Variants in NCOA2 observed in about 807,000 individuals in gnomAD.
NCOA2 encodes nuclear receptor coactivator 2, also known as class E basic helix-loop-helix protein 75.
Under a neutral mutation model 145.1 loss-of-function variants are expected in NCOA2, and 21 were observed. The ratio of observed to expected loss-of-function variants is 0.14; its 90% CI spans 0.10 to 0.21. The LOEUF (loss-of-function observed/expected upper bound fraction) is 0.21, where lower values mean the gene tolerates loss of function less well. Ranked by LOEUF, NCOA2 falls within the 10% of genes least tolerant of loss-of-function variation. The probability of loss-of-function intolerance (pLI) is 1.00; values close to 1 mark genes in which losing one functional copy is unlikely to be tolerated. For synonymous variants in NCOA2, 619 were observed against 637.5 expected, an observed-to-expected ratio of 0.97 and a Z score of 0.44; for missense variants, 1,472 against 1,837.6, an observed-to-expected ratio of 0.80 and a Z score of 3.64.
intron 2 of NCOA2, among the ~76,000 whole-genome samples, chr8:70,257,854 A>G (rs928319811): frequency 6.6e-6 from 1 of 151,172 alleles, no homozygotes; most frequent in Non-Finnish European, 1.5e-5. Context: ...TCTCCCTGTC[A>G]CTGAGCCCCA....
chr8:70,154,696 C>A (rs1484725926), intron 11 of NCOA2, among the ~76,000 whole-genome samples: 2 of 152,200 alleles, frequency 1.3e-5, no homozygotes, highest in Non-Finnish European at 2.9e-5. Context: ...AGCCACCTCA[C>A]CCAGTCTGTT....
At chr8:70,121,636 C>T (rs1021478044) in intron 21 of NCOA2, among the ~76,000 whole-genome samples, 1 of 152,172 alleles carries the variant, frequency 6.6e-6, no homozygotes, top group Admixed American at 6.5e-5. Flanking sequence ...GCATGCTGTA[C>T]AGAAATCAAA....
Position 70,262,949 on chromosome 8 carries a change from C to A in NCOA2, c.-20+33795G>T, listed in dbSNP as rs188461086. ...AGTTAATAATAAAATAGAATTATAA[C>A]AATATACTGTTTACAATTTCAGATA... On this transcript the variant is annotated intron_variant, in intron 2 of 22. Transcript: ENST00000452400. Among the ~76,000 whole-genome samples, 992 of 151,820 alleles carry A rather than the reference C, an allele frequency of 6.5e-3. 5 individuals carry two copies. Among genetic ancestry groups the A allele is most frequent in the Non-Finnish European group, 0.01 (698 of 67,930 alleles).
chr8:70,409,622 C>T, the NCOA2 span, among the ~76,000 whole-genome samples: 1 of 152,204 alleles, frequency 6.6e-6, no homozygotes, highest in East Asian at 1.9e-4. Flanking sequence ...GTATTCCAAG[C>T]ACTTTGGGAG....
intron 1 of NCOA2, among the ~76,000 whole-genome samples, chr8:70,342,806 CACACACACACACACAT>C (rs1808261845): frequency 2.0e-5 from 3 of 150,110 alleles, no homozygotes; most frequent in African/African-American, 7.4e-5. Context: ...CACACACACA[CACACACACACACACAT>C]CCCTACATGG....
chr8:70,311,153 A>T (rs1333922270), intron 1 of NCOA2, among the ~76,000 whole-genome samples: 1 of 151,832 alleles, frequency 6.6e-6, no homozygotes, highest in Non-Finnish European at 1.5e-5. Flanking sequence ...AAAAATAAGC[A>T]ATCCTATTTT....
chr8:70,337,376 C>A (rs750718875), intron 1 of NCOA2, among the ~76,000 whole-genome samples: 1 of 152,046 alleles, frequency 6.6e-6, no homozygotes, highest in South Asian at 2.1e-4. Context: ...AGAATTTGGA[C>A]GCAACTTTCC....
intron 1 of NCOA2, among the ~76,000 whole-genome samples, chr8:70,322,125 A>G (rs529947936): frequency 8.7e-5 from 13 of 150,224 alleles, no homozygotes; most frequent in East Asian, 1.9e-4. Flanking sequence ...CCAGAGGGGG[A>G]AAAAAAAACC....
At chr8:70,239,939 G>A (rs1396613326) in intron 2 of NCOA2, among the ~76,000 whole-genome samples, 2 of 152,154 alleles carry the variant, frequency 1.3e-5, no homozygotes, top group Non-Finnish European at 2.9e-5. Context: ...GACCACCTTT[G>A]CTACTACAGT....
chr8:70,238,953 G>C (rs139311769), intron 2 of NCOA2, among the ~76,000 whole-genome samples: 3 of 152,220 alleles, frequency 2.0e-5, no homozygotes, highest in African/African-American at 7.2e-5. Context: ...CACTATTCTA[G>C]AGAAACAATA....
intron 1 of NCOA2, 56 bp downstream of exon 1, chr8:70,403,637 GCGCCCCC>G (rs1457672351): frequency 2.9e-6 from 1 of 348,372 alleles, no homozygotes; most frequent in East Asian, 4.2e-5. Context: ...TGGGGACGCG[GCGCCCCC>G]CGCCTGCCGC....
chr8:70,341,550 A>G (rs1041996248), intron 1 of NCOA2, among the ~76,000 whole-genome samples: 1 of 152,244 alleles, frequency 6.6e-6, no homozygotes, highest in Admixed American at 6.5e-5. Flanking sequence ...GTCCATAACT[A>G]AAGTTGGTAA....
chr8:70,403,851 C>T (rs1481762783), upstream of NCOA2: 5 of 374,408 alleles, frequency 1.3e-5, no homozygotes, highest in African/African-American at 4.5e-5. Context: ...CCAACTCCCT[C>T]CTCCTCCTCC....
rs576101246 is a variant in NCOA2, at chr8:70,305,833, T to C, written c.-76-9033A>G. Among the ~76,000 whole-genome samples the C allele has an allele frequency of 8.3e-4, 127 of 152,302 alleles. 1 individual carries two copies. The highest frequency in any genetic ancestry group is 3.0e-3 in the African/African-American group (123 of 41,544). ...AGAAAGAATGTAGTATTCCAAAAGC[T>C]AGCACCAGACTAAGAGAAAAGCTTT... On this transcript the variant is annotated intron_variant, in intron 1 of 22. Coordinates refer to ENST00000452400, the MANE Select transcript of NCOA2 (RefSeq NM_006540.4).
At chr8:70,401,532 C>T (rs1255240638) in intron 1 of NCOA2, among the ~76,000 whole-genome samples, 2 of 151,928 alleles carry the variant, frequency 1.3e-5, no homozygotes, top group Non-Finnish European at 2.9e-5. Flanking sequence ...AAAAAAAATG[C>T]ATACCATAAA....
At chr8:70,260,009 ACTC>A (rs1337566285) in intron 2 of NCOA2, among the ~76,000 whole-genome samples, 7 of 152,158 alleles carry the variant, frequency 4.6e-5, no homozygotes, top group Non-Finnish European at 8.8e-5. Context: ...CAACAAGACA[ACTC>A]CTCTAACTCA....
At chr8:70,421,084 A>G in the NCOA2 span, among the ~76,000 whole-genome samples, 1 of 152,156 alleles carries the variant, frequency 6.6e-6, no homozygotes, top group East Asian at 1.9e-4. Flanking sequence ...AACAAATGCT[A>G]ATAAAAGGGC....
intron 1 of NCOA2, among the ~76,000 whole-genome samples, chr8:70,339,200 C>T (rs979428778): frequency 7.9e-5 from 12 of 152,160 alleles, no homozygotes; most frequent in East Asian, 3.9e-4. Flanking sequence ...AGTCTCAGCC[C>T]GAAAGCTTCC....
At position 70,141,219 on chromosome 8, in the gene NCOA2, T is replaced by C; in HGVS notation, c.2993A>G (p.Gln998Arg). The stretch of plus-strand genomic sequence containing the variant: ...GACCTGAGACTGAAGCGTCTGTCTT[T>C]GGCCAGGCTGGCTGCTGGGCCTCAT... ...IPMRPSSQPG[Q>R]RQTLQSQVMN... Residue 998 changes from glutamine to arginine, a missense_variant, in exon 14 of 23, where the codon CAA becomes CGA. By Grantham distance (43) the Gln-to-Arg change is conservative (BLOSUM62 1). Transcript: ENST00000452400. 1 of 1,613,928 alleles carries C rather than the reference T, an allele frequency of 6.2e-7. No homozygotes were observed. The highest frequency in any genetic ancestry group is 8.5e-7 in the Non-Finnish European group (1 of 1,179,864).
Sources: allele counts gnomAD v4.1 joint callset (sites outside exome capture counted in the v4.1 genomes callset), GRCh38; gene constraint gnomAD v4.1.1; transcripts MANE v1.5; gene names NCBI Gene and HGNC (gene_info 2026-07-23, HGNC 2026-07-21).